VPS13B: variants seen among roughly 807,000 people sequenced by gnomAD.
The protein encoded by VPS13B is vacuolar protein sorting 13 homolog B.
A neutral mutation model predicts 426.4 loss-of-function variants in VPS13B; 285 were observed. The observed-to-expected ratio is 0.67, with a 90% CI of 0.61 to 0.74. The LOEUF is 0.74. Among genes scored for constraint, VPS13B ranks in the 30% least tolerant of loss-of-function variants. The probability of loss-of-function intolerance (pLI) is 0.00; values close to 1 mark genes in which losing one functional copy is unlikely to be tolerated. For synonymous variants in VPS13B, 1,676 were observed against 1,676.4 expected, an observed-to-expected ratio of 1.00 and a Z score of 0.01; for missense variants, 4,537 against 4,782.6, an observed-to-expected ratio of 0.95 and a Z score of 1.51.
rs772651692 is a variant in VPS13B, at chr8:99,501,865, G to T, written c.4042+7G>T. ...CCTGAAAATAAAGGCACAGGTACAG[G>T]ATTCCTTTTCTTTCTTCCCTCCCTC... On this transcript the variant is annotated splice_region_variant and intron_variant, in intron 26 of 61. Coordinates refer to ENST00000357162, the MANE Select transcript of VPS13B (RefSeq NM_152564.5). 65 of 1,612,060 alleles carry T rather than the reference G, an allele frequency of 4.0e-5. No homozygotes were observed. The highest frequency in any genetic ancestry group is 5.4e-5 in the Non-Finnish European group (64 of 1,179,642).
intron 35 of VPS13B, among the ~76,000 whole-genome samples, chr8:99,678,240 AG>A (rs1831021458): frequency 6.6e-6 from 1 of 152,118 alleles, no homozygotes; most frequent in African/African-American, 2.4e-5. Context: ...TACCATCTTC[AG>A]GCCATTCTTA....
At chr8:99,210,961 A>G (rs1265475081) in intron 17 of VPS13B, among the ~76,000 whole-genome samples, 1 of 152,142 alleles carries the variant, frequency 6.6e-6, no homozygotes, top group Admixed American at 6.6e-5. Flanking sequence ...GGGCTAGGAA[A>G]TTAAGGATAT....
At chr8:99,274,370 T>C (rs1818782270) in intron 18 of VPS13B, 38 bp downstream of exon 18, 1 of 1,613,760 alleles carries the variant, frequency 6.2e-7, no homozygotes, top group Non-Finnish European at 8.5e-7. Context: ...TTATTGCCTG[T>C]ATAGGAGAAT....
At chr8:99,134,532 T>C (rs972721418) in intron 8 of VPS13B, 100 bp from the exon 9 acceptor site, 1 of 938,694 alleles carries the variant, frequency 1.1e-6, no homozygotes, top group African/African-American at 1.7e-5. Flanking sequence ...ATTTCCTGAA[T>C]CTTAAAATTG....
chr8:99,263,153 C>G (rs1372065844), intron 17 of VPS13B, among the ~76,000 whole-genome samples: 3 of 152,160 alleles, frequency 2.0e-5, no homozygotes, highest in Admixed American at 1.3e-4. Context: ...CTGTCATCCT[C>G]ACTGCTTTTT....
chr8:99,746,833 G>A (rs1403617580), intron 39 of VPS13B, among the ~76,000 whole-genome samples: 2 of 152,094 alleles, frequency 1.3e-5, no homozygotes, highest in Non-Finnish European at 2.9e-5. Context: ...CAATGCTAAT[G>A]TTATACATGC....
At chr8:99,612,146 A>G (rs923038397) in intron 33 of VPS13B, among the ~76,000 whole-genome samples, 1 of 152,134 alleles carries the variant, frequency 6.6e-6, no homozygotes, top group Non-Finnish European at 1.5e-5. Context: ...TGTTTCTGCC[A>G]TTAGACTAGC....
intron 24 of VPS13B, 60 bp downstream of exon 24, chr8:99,467,694 A>C (rs1819184509): frequency 6.5e-7 from 1 of 1,546,522 alleles, no homozygotes; most frequent in Non-Finnish European, 8.8e-7. Flanking sequence ...AGCAATTGTT[A>C]TCCATTTTGT....
chr8:99,396,241 T>C (rs935748608), intron 21 of VPS13B, among the ~76,000 whole-genome samples: 2 of 152,132 alleles, frequency 1.3e-5, no homozygotes, highest in African/African-American at 4.8e-5. Context: ...TGTATCTATA[T>C]GTATACATAT....
intron 17 of VPS13B, among the ~76,000 whole-genome samples, chr8:99,215,162 G>C (rs1018405665): frequency 1.3e-5 from 2 of 152,076 alleles, no homozygotes; most frequent in Non-Finnish European, 2.9e-5. Flanking sequence ...TTGTATGTCT[G>C]CTTTTTTGGT....
intron 17 of VPS13B, among the ~76,000 whole-genome samples, chr8:99,195,384 T>G (rs143322525): frequency 9.2e-5 from 14 of 152,366 alleles, no homozygotes; most frequent in African/African-American, 2.6e-4. Flanking sequence ...TGTCATCTTT[T>G]GAGAAATGTC....
At chr8:99,532,176 C>A (rs774881080) in intron 30 of VPS13B, among the ~76,000 whole-genome samples, 1 of 152,092 alleles carries the variant, frequency 6.6e-6, no homozygotes, top group Non-Finnish European at 1.5e-5. Flanking sequence ...GGAATTTTAT[C>A]TGTGACTAAT....
chr8:99,736,343 C>T (rs1227763118), intron 39 of VPS13B, among the ~76,000 whole-genome samples: 1 of 152,044 alleles, frequency 6.6e-6, no homozygotes, highest in African/African-American at 2.4e-5. Context: ...GAGGCTGAGG[C>T]GGGTGGATCA....
rs141845131 is a variant in VPS13B at position 99,717,172 on chromosome 8, C to T, written c.6456C>T (p.Gly2152=). Residue 2152 remains glycine, a splice_region_variant and synonymous_variant, in exon 37 of 62, where the codon GGC becomes GGT. Transcript: ENST00000357162. ...TACTCTTCTGTATTTTTTTTTCAGG[C>T]ATAATTCTTGGGTCATCATTTCTAC... ...LSVKATQKVP[G]IILGSSFLLS... is the part of the protein sequence containing the mutation. The T allele has an allele frequency of 1.2e-6, 2 of 1,610,688 alleles. No homozygotes were observed. Among genetic ancestry groups the T allele is most frequent in the Admixed American group, 1.7e-5 (1 of 59,828 alleles).
chr8:99,574,776 T>C (rs576516033), intron 31 of VPS13B, among the ~76,000 whole-genome samples: 2 of 152,296 alleles, frequency 1.3e-5, no homozygotes, highest in African/African-American at 4.8e-5. Flanking sequence ...GCCCAGTACT[T>C]GAACTTCATT....
intron 16 of VPS13B, among the ~76,000 whole-genome samples, chr8:99,182,127 A>G (rs1812976104): frequency 6.6e-6 from 1 of 152,186 alleles, no homozygotes; most frequent in Non-Finnish European, 1.5e-5. Flanking sequence ...AACCCTGGAG[A>G]TTAAATAAAT....
intron 52 of VPS13B, among the ~76,000 whole-genome samples, 185 bp downstream of exon 52, chr8:99,832,837 A>C (rs1057195063): frequency 6.6e-6 from 1 of 152,152 alleles, no homozygotes; most frequent in Non-Finnish European, 1.5e-5. Flanking sequence ...TTGTCCCAGC[A>C]TACTACTTAA....
At chr8:99,686,492 G>A (rs1344621702) in intron 35 of VPS13B, among the ~76,000 whole-genome samples, 2 of 151,938 alleles carry the variant, frequency 1.3e-5, no homozygotes, top group Non-Finnish European at 1.5e-5. Flanking sequence ...AGGAGCCAGG[G>A]CCTGGAGTCA....
At chr8:99,730,378 G>A (rs1180752521) in intron 39 of VPS13B, among the ~76,000 whole-genome samples, 1 of 152,182 alleles carries the variant, frequency 6.6e-6, no homozygotes, top group African/African-American at 2.4e-5. Context: ...AAATGTTTTT[G>A]AATGATGGGT....
Sources: allele counts gnomAD v4.1 joint callset (sites outside exome capture counted in the v4.1 genomes callset), GRCh38; gene constraint gnomAD v4.1.1; transcripts MANE v1.5; gene names NCBI Gene and HGNC (gene_info 2026-07-23, HGNC 2026-07-21).